Variants in MFSD6L observed in about 807,000 individuals in gnomAD.
MFSD6L encodes major facilitator superfamily domain-containing protein 6-like.
Under a neutral mutation model 6.4 loss-of-function variants are expected in MFSD6L, and 9 were observed. That is an observed-to-expected ratio of 1.42 (90% CI 0.85 to 2.47). MFSD6L has a LOEUF of 2.47. MFSD6L is among the 30% of genes most tolerant of loss of function. The pLI is 0.00. For synonymous variants in MFSD6L, 336 were observed against 322.4 expected (o/e 1.04, Z -0.45); for missense variants, 747 against 730.6 (o/e 1.02, Z -0.26).
In MFSD6L at chr17:8,799,251, T is replaced by G. The variant is rs1382293904; in HGVS notation, c.-131A>C. The stretch of plus-strand genomic sequence containing the variant: ...AGCGAGTGGGACTGCGCCCCCGGTC[T>G]GGGGCGGCGCCGCGGTCACCAGGTC... On this transcript the variant is annotated 5_prime_UTR_variant, in exon 1 of 1. Coordinates refer to ENST00000329805, the MANE Select transcript of MFSD6L (RefSeq NM_152599.4). This position sits in a 1 kb window ranked among gnomAD's most constrained non-coding sequence, Gnocchi z 5.3. The G allele has an allele frequency of 1.3e-6, 1 of 752,182 alleles. No individual in the cohort carries two copies. The highest frequency in any genetic ancestry group is 1.9e-6 in the Non-Finnish European group (1 of 520,388). 46.6% of individuals were successfully genotyped at this position (752,182 alleles called of 1,614,324 possible).
In MFSD6L at chr17:8,797,505, A is replaced by G; in HGVS notation, c.1616T>C (p.Leu539Pro). The change falls in exon 1 of 1, where the codon CTG becomes CCG. Residue 539 changes from leucine to proline, a missense_variant. By Grantham distance (98) the Leu-to-Pro change is moderately conservative. Coordinates refer to ENST00000329805, the MANE Select transcript of MFSD6L (RefSeq NM_152599.4). ...TCGGGGCAGCCTCCGCTGTATGGACAGGAGCAAGGCCAACCAGAGCAACAG... is the reference window on the plus strand; with the variant it reads ...TCGGGGCAGCCTCCGCTGTATGGACGGGAGCAAGGCCAACCAGAGCAACAG... ...VALLLWLALL[L>P]SIQRRLPRER... The G allele has an allele frequency of 6.2e-7, 1 of 1,614,180 alleles. No individual in the cohort carries two copies. Among genetic ancestry groups the G allele is most frequent in the Non-Finnish European group, 8.5e-7 (1 of 1,180,000 alleles).
Position 8,799,265 on chromosome 17 carries a change from G to A in MFSD6L, c.-145C>T. On this transcript the variant is annotated 5_prime_UTR_variant, in exon 1 of 1. Transcript: ENST00000329805. This position sits in a 1 kb window ranked among gnomAD's most constrained non-coding sequence, Gnocchi z 5.3. ...CGCCCCCGGTCTGGGGCGGCGCCGC[G>A]GTCACCAGGTCAACGGCCGCCCCCG... 2 of 630,204 alleles carry A rather than the reference G, an allele frequency of 3.2e-6. No homozygotes were observed. The highest frequency in any genetic ancestry group is 4.8e-6 in the Non-Finnish European group (2 of 416,054). 39.0% of individuals were successfully genotyped at this position (630,204 alleles called of 1,614,324 possible).
chr17:8,797,650 G>A lies in MFSD6L; in HGVS notation c.1471C>T (p.Leu491=). The change falls in exon 1 of 1, where the codon CTG becomes TTG. Residue 491 remains leucine, a synonymous_variant. Coordinates refer to ENST00000329805, the MANE Select transcript of MFSD6L (RefSeq NM_152599.4). ...AAGTGGCCTCGGAACAAGGCACTCA[G>A]AGCCCTCTCCATGCGGGGAGTGGCC... ...DLATPRMERA[L]SALFRGHFYG... is the part of the protein sequence containing the mutation. 5 of 1,613,342 alleles carry A rather than the reference G, an allele frequency of 3.1e-6. No homozygotes were observed. The highest frequency in any genetic ancestry group is 4.2e-6 in the Non-Finnish European group (5 of 1,180,000).
In MFSD6L at chr17:8,797,423, GTCACTGGTGTCAC is replaced by G; in HGVS notation, c.1685_1697del (p.Ser562ThrfsTer12). 1 of 1,611,206 alleles carries G rather than the reference GTCACTGGTGTCAC, an allele frequency of 6.2e-7. No homozygotes were observed. Among genetic ancestry groups the G allele is most frequent in the Non-Finnish European group, 8.5e-7 (1 of 1,178,428 alleles). On this transcript the variant is annotated frameshift_variant, in exon 1 of 1. Coordinates refer to ENST00000329805, the MANE Select transcript of MFSD6L (RefSeq NM_152599.4). LOFTEE classifies it high-confidence loss of function. ...AGTCCTGTTCTGTCCCCTGCTCAGA[GTCACTGGTGTCAC>G]TCACCTCCATGGACAGCAGCTTCGA...
Position 8,798,320 on chromosome 17 carries a change from T to C in MFSD6L, c.801A>G (p.Ala267=), listed in dbSNP as rs1156945544. 1.9e-6 allele frequency: 3 copies of C among 1,608,828 alleles called. No homozygotes were observed. The African/African-American group carries it at 4.0e-5, about 21-fold the overall frequency. The change falls in exon 1 of 1, where the codon GCA becomes GCG. Residue 267 remains alanine, a synonymous_variant. Transcript: ENST00000329805. ...CCAGGAACTCATAAAGGCTGTCATC[T>C]GCCACCTGCTCCAGAGGCGCTGTCA... ...ELLTAPLEQV[A]DDSLYEFLDF... is the part of the protein sequence containing the mutation.
Position 8,798,074 on chromosome 17 carries a change from C to T in MFSD6L, c.1047G>A (p.Trp349Ter), listed in dbSNP as rs764735342. The stretch of plus-strand genomic sequence containing the variant: ...CTTTGACCCTTTTGTAGCTGGGCTC[C>T]CACTGCTGACAGATGGGAATGGGAA... ...IAFPIPICQQWEPSYKRVKAL... is the reference protein window; with the variant it reads ...IAFPIPICQQ The change falls in exon 1 of 1, where the codon TGG becomes TGA. Residue 349 changes from tryptophan to a stop codon, truncating the protein, a stop_gained. Coordinates refer to ENST00000329805, the MANE Select transcript of MFSD6L (RefSeq NM_152599.4). LOFTEE classifies it low-confidence loss of function (END_TRUNC). 1.9e-5 allele frequency: 30 copies of T among 1,614,016 alleles called. No individual in the cohort carries two copies. The highest frequency in any genetic ancestry group is 3.3e-4 in the Middle Eastern group (2 of 6,084).
In MFSD6L at chr17:8,798,018, A is replaced by T. The variant is rs370096466; in HGVS notation, c.1103T>A (p.Leu368His). The T allele has an allele frequency of 1.6e-5, 26 of 1,614,018 alleles. No homozygotes were observed. The East Asian group carries it at 3.3e-4, about 21-fold the overall frequency. The change falls in exon 1 of 1, where the codon CTC becomes CAC. Residue 368 changes from leucine (L) to histidine (H), a missense_variant. Physicochemically the swap from Leu to His is moderately conservative, Grantham distance 99. Transcript: ENST00000329805. ...ALSIVGGDPH[L>H]ILLASTTVLV... ...AACAGTGGTGGAGGCGAGGAGAATGAGGTGGGGGTCACCCCCCACAATGGA... is the reference window on the plus strand; with the variant it reads ...AACAGTGGTGGAGGCGAGGAGAATGTGGTGGGGGTCACCCCCCACAATGGA...
Position 8,797,937 on chromosome 17 carries a change from T to C in MFSD6L, c.1184A>G (p.Asp395Gly), listed in dbSNP as rs1444579751. ...VQNFLFWHMKDHGSGELVMGF... is the reference protein window; with the variant it reads ...VQNFLFWHMKGHGSGELVMGF... ...CATGACCAGCTCGCCGCTCCCATGG[T>C]CCTTCATGTGCCAGAACAGAAAGTT... Residue 395 changes from aspartate (D) to glycine (G), a missense_variant, in exon 1 of 1, where the codon GAC becomes GGC. Asp to Gly is a moderately conservative substitution (Grantham distance 94). Coordinates refer to ENST00000329805, the MANE Select transcript of MFSD6L (RefSeq NM_152599.4). 4 of 1,613,178 alleles carry C rather than the reference T, an allele frequency of 2.5e-6. No individual in the cohort carries two copies. Among genetic ancestry groups the C allele is most frequent in the African/African-American group, 1.3e-5 (1 of 74,628 alleles).
At position 8,798,218 on chromosome 17, in the gene MFSD6L, G is replaced by A; in HGVS notation, c.903C>T (p.Gly301=). Residue 301 remains glycine, a synonymous_variant, in exon 1 of 1, where the codon GGC becomes GGT. Transcript: ENST00000329805. ...CCAGCTGCCCCACCAAGGCTGTGAT[G>A]CCACACACGCCTGCCGACATGCCCA... ...RLLGMSAGVC[G]ITALVGQLDC... 7 of 1,611,382 alleles carry A rather than the reference G, an allele frequency of 4.3e-6. No homozygotes were observed. The highest frequency in any genetic ancestry group is 5.9e-6 in the Non-Finnish European group (7 of 1,180,012).
Position 8,797,375 on chromosome 17 carries a change from C to A in MFSD6L, c.1746G>T (p.Glu582Asp). The A allele has an allele frequency of 1.3e-6, 2 of 1,563,202 alleles. No individual in the cohort carries two copies. The highest frequency in any genetic ancestry group is 8.7e-7 in the Non-Finnish European group (1 of 1,154,966). Residue 582 changes from glutamate (E) to aspartate (D), a missense_variant, in exon 1 of 1, where the codon GAG (glutamate) becomes GAT (aspartate). Glu to Asp is a conservative substitution (Grantham distance 45). Transcript: ENST00000329805. ...CTCAGCCCTTTCAGTCTGAGTGTTC[C>A]TCCCTCATGGCCTTCACAAGCCAGT... is the stretch of plus-strand genomic sequence containing the variant. Reference protein sequence around the residue: ...EQDWLVKAMREEHSD With the variant: ...EQDWLVKAMRDEHSD
In MFSD6L at chr17:8,798,701, G is replaced by C; in HGVS notation, c.420C>G (p.His140Gln). The C allele has an allele frequency of 6.2e-6, 10 of 1,614,084 alleles. No homozygotes were observed. Among genetic ancestry groups the C allele is most frequent in the Non-Finnish European group, 8.5e-6 (10 of 1,180,036 alleles). Residue 140 changes from histidine to glutamine, a missense_variant, in exon 1 of 1, where the codon CAC (histidine) becomes CAG (glutamine). Physicochemically the swap from His to Gln is conservative, Grantham distance 24. Coordinates refer to ENST00000329805, the MANE Select transcript of MFSD6L (RefSeq NM_152599.4). ...ITSAQESASSHPAKRTAEVEM... is the reference protein window; with the variant it reads ...ITSAQESASSQPAKRTAEVEM... ...CCACCTCTGCAGTCCTCTTGGCTGG[G>C]TGGCTGGAGGCAGACTCTTGGGCCG... is the stretch of plus-strand genomic sequence containing the variant.
In MFSD6L at chr17:8,797,340, C is replaced by G; in HGVS notation, c.*20G>C. On this transcript the variant is annotated 3_prime_UTR_variant, in exon 1 of 1. Coordinates refer to ENST00000329805, the MANE Select transcript of MFSD6L (RefSeq NM_152599.4). Reference sequence around the variant, plus strand: ...ATTCGTTCCTTGCTGGATCAGCACACTCTGGATTTCTCAGCCCTTTCAGTC... The same window carrying G: ...ATTCGTTCCTTGCTGGATCAGCACAGTCTGGATTTCTCAGCCCTTTCAGTC... The G allele has an allele frequency of 2.0e-6, 3 of 1,538,146 alleles. No individual in the cohort carries two copies. Among genetic ancestry groups the G allele is most frequent in the Non-Finnish European group, 2.6e-6 (3 of 1,142,922 alleles).
Position 8,798,477 on chromosome 17 carries a change from C to T in MFSD6L, c.644G>A (p.Gly215Glu). The T allele has an allele frequency of 6.2e-7, 1 of 1,607,236 alleles. No individual in the cohort carries two copies. Among genetic ancestry groups the T allele is most frequent in the Non-Finnish European group, 8.5e-7 (1 of 1,175,870 alleles). ...GGCTGGATTCCCGGGCCCTTTCCCC[C>T]CAGGAAGCAAGGGGAGGGCTGTCTT... Reference protein sequence around the residue: ...VVKTALPLLPGGKGPGNPANL... With the variant: ...VVKTALPLLPEGKGPGNPANL... The change falls in exon 1 of 1, where the codon GGG becomes GAG. Residue 215 changes from glycine to glutamate, a missense_variant. By Grantham distance (98) the Gly-to-Glu change is moderately conservative. Coordinates refer to ENST00000329805, the MANE Select transcript of MFSD6L (RefSeq NM_152599.4).
Position 8,798,587 on chromosome 17 carries a change from T to G in MFSD6L, c.534A>C (p.Gly178=), listed in dbSNP as rs1429618497. The part of the protein sequence containing the change: ...LHVYLAPSVE[G]ARTTSQALLH... ...GGAGAGCTTGGGATGTGGTCCTAGC[T>G]CCTTCAACGGAGGGCGCTAAGTAGA... Residue 178 remains glycine (G), a synonymous_variant, in exon 1 of 1, where the codon GGA becomes GGC. Coordinates refer to ENST00000329805, the MANE Select transcript of MFSD6L (RefSeq NM_152599.4). 6.2e-7 allele frequency: 1 copy of G among 1,613,972 alleles called. No individual in the cohort carries two copies. The highest frequency in any genetic ancestry group is 8.5e-7 in the Non-Finnish European group (1 of 1,180,028).
At position 8,797,737 on chromosome 17, in the gene MFSD6L, T is replaced by G. The variant is rs746675391; in HGVS notation, c.1384A>C (p.Ile462Leu). 2 of 1,613,674 alleles carry G rather than the reference T, an allele frequency of 1.2e-6. No individual in the cohort carries two copies. The highest frequency in any genetic ancestry group is 2.7e-5 in the African/African-American group (2 of 74,818). ...GCTCTGTTGCTAATGGCACTCAAGA[T>G]CTGAATGGGGAGGACGGACCACCAG... ...WSWWSVLPIQ[I>L]LSAISNRALW... Residue 462 changes from isoleucine to leucine, a missense_variant, in exon 1 of 1, where the codon ATC becomes CTC. Physicochemically the swap from Ile to Leu is conservative, Grantham distance 5. Coordinates refer to ENST00000329805, the MANE Select transcript of MFSD6L (RefSeq NM_152599.4).
rs2087018277 is a variant in MFSD6L at position 8,798,380 on chromosome 17, G to A, written c.741C>T (p.Ile247=). The A allele has an allele frequency of 6.2e-7, 1 of 1,612,490 alleles. No individual in the cohort carries two copies. Among genetic ancestry groups the A allele is most frequent in the African/African-American group, 1.3e-5 (1 of 74,838 alleles). Residue 247 remains isoleucine, a synonymous_variant, in exon 1 of 1, where the codon ATC becomes ATT. Transcript: ENST00000329805. ...LSLEALRRTF[I]LSLGSVAFWE... is the part of the protein sequence containing the mutation. ...AGAACGCCACGGACCCCAAGGAGAGGATAAAAGTCCGCCGCAACGCCTCCA... is the reference window on the plus strand; with the variant it reads ...AGAACGCCACGGACCCCAAGGAGAGAATAAAAGTCCGCCGCAACGCCTCCA...
At position 8,797,157 on chromosome 17, in the gene MFSD6L, T is replaced by C. The variant is rs2087005785; in HGVS notation, c.*203A>G. 1 of 466,626 alleles carries C rather than the reference T, an allele frequency of 2.1e-6. No homozygotes were observed. Among genetic ancestry groups the C allele is most frequent in the East Asian group, 3.3e-5 (1 of 30,648 alleles). The allele number at this position is 466,626 out of a possible 1,614,324, so 28.9% of individuals were successfully genotyped here. On this transcript the variant is annotated 3_prime_UTR_variant, in exon 1 of 1. Transcript: ENST00000329805. ...TTCTTCCTCCATTATCTAAAAAAGA[T>C]TGGCAAAAAGTTAAATCTCCTTTTA...
Position 8,797,851 on chromosome 17 carries a change from A to T in MFSD6L, c.1270T>A (p.Leu424Met), listed in dbSNP as rs375703196. ...CCCGTCCTGGACAGTTTCCTAAGCAATGTAGCTTTGAACGGATGAAGCAGA... is the reference window on the plus strand; with the variant it reads ...CCCGTCCTGGACAGTTTCCTAAGCATTGTAGCTTTGAACGGATGAAGCAGA... ...EILLHPFKAT[L>M]LRKLSRTGLV... The change falls in exon 1 of 1, where the codon TTG becomes ATG. Residue 424 changes from leucine to methionine, a missense_variant. Physicochemically the swap from Leu to Met is conservative, Grantham distance 15. Coordinates refer to ENST00000329805, the MANE Select transcript of MFSD6L (RefSeq NM_152599.4). 6.2e-7 allele frequency: 1 copy of T among 1,613,254 alleles called. No individual in the cohort carries two copies. Among genetic ancestry groups the T allele is most frequent in the Non-Finnish European group, 8.5e-7 (1 of 1,179,572 alleles).
chr17:8,799,209 G>T lies in MFSD6L; in HGVS notation c.-89C>A. On this transcript the variant is annotated 5_prime_UTR_variant, in exon 1 of 1. Transcript: ENST00000329805. The surrounding 1 kb of genome is among the most constrained non-coding windows in gnomAD (Gnocchi z 5.3). The stretch of plus-strand genomic sequence containing the variant: ...CCCCAGGTACCCGGGAGGGAGGCTT[G>T]GGGGACCGGGGCTCGGAGCGAGTGG... 1 of 1,241,470 alleles carries T rather than the reference G, an allele frequency of 8.1e-7. No homozygotes were observed. Among genetic ancestry groups the T allele is most frequent in the Non-Finnish European group, 1.1e-6 (1 of 925,600 alleles). 76.9% of individuals were successfully genotyped at this position (1,241,470 alleles called of 1,614,324 possible).
Sources: allele counts gnomAD v4.1 joint callset, GRCh38; gene constraint gnomAD v4.1.1; non-coding constraint Gnocchi (gnomAD v3.1); transcripts MANE v1.5; gene names NCBI Gene and HGNC (gene_info 2026-07-23, HGNC 2026-07-21).